CHST9: variants seen among roughly 807,000 people sequenced by gnomAD.
CHST9 encodes the protein carbohydrate sulfotransferase 9.
In CHST9, 41 loss-of-function variants were observed where a neutral mutation model predicts 44.4. The observed-to-expected ratio is 0.92, with a 90% confidence interval of 0.72 to 1.20. CHST9 has a LOEUF of 1.20. CHST9 is among the 50% of genes most tolerant of loss of function. CHST9 has a pLI of 0.00. For synonymous variants in CHST9, 171 were observed against 178.4 expected (o/e 0.96, Z 0.33); for missense variants, 504 against 516.5 (o/e 0.98, Z 0.23).
intron 4 of CHST9, among the ~76,000 whole-genome samples, chr18:26,975,708 T>C (rs1166755859): frequency 7.6e-5 from 4 of 52,312 alleles, no homozygotes; most frequent in Non-Finnish European, 1.4e-4. Context: ...TATGTGTATA[T>C]ATGTGTGTGT....
chr18:27,178,097 A>G (rs1307533149), intron 1 of CHST9, among the ~76,000 whole-genome samples: 3 of 152,056 alleles, frequency 2.0e-5, no homozygotes, highest in African/African-American at 7.2e-5. Context: ...GGGCCATTCA[A>G]CAGACCAAGA....
intron 4 of CHST9, among the ~76,000 whole-genome samples, chr18:26,959,624 G>A (rs1210617778): frequency 6.6e-6 from 1 of 152,194 alleles, no homozygotes; most frequent in East Asian, 1.9e-4. Context: ...AAAAGCATGA[G>A]CAAAAGCACA....
intron 3 of CHST9, among the ~76,000 whole-genome samples, chr18:27,027,936 G>C (rs1016734834): frequency 6.6e-6 from 1 of 152,018 alleles, no homozygotes; most frequent in Non-Finnish European, 1.5e-5. Context: ...GTCTTGCTCT[G>C]TTGCCCAAGC....
At chr18:27,006,739 C>T (rs965262751) in intron 4 of CHST9, among the ~76,000 whole-genome samples, 13 of 152,112 alleles carry the variant, frequency 8.5e-5, no homozygotes, top group African/African-American at 1.2e-4. Context: ...GATGTTATTT[C>T]GGTTCAACCT....
At chr18:26,945,755 A>T (rs963511255) in intron 4 of CHST9, among the ~76,000 whole-genome samples, 3 of 152,202 alleles carry the variant, frequency 2.0e-5, no homozygotes, top group Admixed American at 1.3e-4. Context: ...TGTGAACATA[A>T]ATCTTCATTT....
chr18:27,033,156 C>T (rs1171454503), intron 3 of CHST9, among the ~76,000 whole-genome samples: 3 of 152,186 alleles, frequency 2.0e-5, no homozygotes, highest in African/African-American at 2.4e-5. Flanking sequence ...AGAAAGGCAG[C>T]TGTTGGGCAG....
rs1488165169 is a variant in CHST9 at position 26,910,549 on chromosome 18, A to G, written c.*5710T>C. The G allele has an allele frequency of 6.6e-6, 1 of 152,216 alleles. No homozygotes were observed. The highest frequency in any genetic ancestry group is 1.5e-5 in the Non-Finnish European group (1 of 68,046). The allele number at this position is 152,216 out of a possible 1,614,324, so 9.4% of individuals were successfully genotyped here. On this transcript the variant is annotated 3_prime_UTR_variant, in exon 6 of 6. Transcript: ENST00000618847. ...AAAGGGACTGACCTTGCCTCTGTCC[A>G]ACTATTTTCAGGTGGGCATATAGAA...
At chr18:27,011,618 A>C (rs1414737007) in intron 4 of CHST9, among the ~76,000 whole-genome samples, 1 of 152,238 alleles carries the variant, frequency 6.6e-6, no homozygotes, top group African/African-American at 2.4e-5. Context: ...TGAAAAGGGG[A>C]GATCTTTTAA....
At position 26,914,852 on chromosome 18, in the gene CHST9, G is replaced by A. The variant is rs948265239; in HGVS notation, c.*1407C>T. 1 of 397,392 alleles carries A rather than the reference G, an allele frequency of 2.5e-6. No individual in the cohort carries two copies. The highest frequency in any genetic ancestry group is 2.1e-5 in the African/African-American group (1 of 48,582). The allele number at this position is 397,392 out of a possible 1,614,324, so 24.6% of individuals were successfully genotyped here. A position where few individuals can be genotyped will look rare whatever the true frequency, so the allele number is the denominator to read the frequency against. ...GAAAAAAATGATAGCTTAGGAAGAG[G>A]AAGATGTTCAGGAAAAGCATTTAAG... On this transcript the variant is annotated 3_prime_UTR_variant, in exon 6 of 6. Transcript: ENST00000618847.
chr18:27,140,385 T>C (rs1444670691), intron 2 of CHST9, among the ~76,000 whole-genome samples: 1 of 152,254 alleles, frequency 6.6e-6, no homozygotes, highest in Non-Finnish European at 1.5e-5. Flanking sequence ...ATGGTAGCTA[T>C]TAATGCTTAT....
chr18:27,105,404 A>C (rs947387537), intron 2 of CHST9, among the ~76,000 whole-genome samples: 17 of 152,116 alleles, frequency 1.1e-4, no homozygotes, highest in Admixed American at 6.6e-4. Flanking sequence ...CTGAGGACTC[A>C]TTGTGATTTA....
chr18:26,946,463 G>A (rs429148), intron 4 of CHST9, among the ~76,000 whole-genome samples: 5 of 152,152 alleles, frequency 3.3e-5, no homozygotes, highest in African/African-American at 1.2e-4. Context: ...TACACAGATA[G>A]GCAGGAAACC....
intron 5 of CHST9, among the ~76,000 whole-genome samples, chr18:26,927,974 G>C (rs232336): frequency 0.43 from 65,089 of 151,862 alleles, 14,413 homozygotes; most frequent in East Asian, 0.71. Context: ...GGGTACTTGA[G>C]ATTAGGGAGT....
chr18:27,032,848 G>A (rs1172391542), intron 3 of CHST9, among the ~76,000 whole-genome samples: 1 of 152,200 alleles, frequency 6.6e-6, no homozygotes. Context: ...GGACAAGCAA[G>A]GATTCTAGTT....
intron 5 of CHST9, among the ~76,000 whole-genome samples, chr18:26,918,993 G>A (rs1598552412): frequency 6.6e-6 from 1 of 152,106 alleles, no homozygotes; most frequent in East Asian, 1.9e-4. Context: ...AGAAGGTAAA[G>A]GAAGAGCAAA....
chr18:27,160,558 G>T (rs895341549), intron 1 of CHST9, among the ~76,000 whole-genome samples: 6 of 152,122 alleles, frequency 3.9e-5, no homozygotes, highest in African/African-American at 1.4e-4. Context: ...CAGGGGTATT[G>T]GTCCAAAATT....
chr18:26,971,852 G>A (rs1174166461), intron 4 of CHST9, among the ~76,000 whole-genome samples: 15 of 145,402 alleles, frequency 1.0e-4, no homozygotes, highest in African/African-American at 3.1e-4. Context: ...TAGCTCCCAC[G>A]ACTCCCCACA....
At chr18:27,040,082 T>C (rs1257199282) in intron 3 of CHST9, among the ~76,000 whole-genome samples, 1 of 152,156 alleles carries the variant, frequency 6.6e-6, no homozygotes, top group South Asian at 2.1e-4. Context: ...CAGTGTGAAA[T>C]GTATTAGAGA....
intron 2 of CHST9, among the ~76,000 whole-genome samples, chr18:27,080,092 A>G (rs1177959616): frequency 6.6e-6 from 1 of 152,110 alleles, no homozygotes; most frequent in African/African-American, 2.4e-5. Flanking sequence ...TCCAAGTTCT[A>G]TAGAGAGTTC....
Sources: gnomAD v4.1 joint callset for allele counts (sites outside exome capture counted in the v4.1 genomes callset) on GRCh38, gnomAD v4.1.1 for gene constraint, MANE v1.5 for transcripts, NCBI Gene and HGNC (gene_info 2026-07-23, HGNC 2026-07-21) for gene names.